The following EEFSEC variants were observed in gnomAD, a reference collection of about 807,000 sequenced individuals.
The protein encoded by EEFSEC is eukaryotic elongation factor, selenocysteine-tRNA specific.
A neutral mutation model predicts 42.1 loss-of-function variants in EEFSEC; 43 were observed. That is an observed-to-expected ratio of 1.02 (90% confidence interval 0.80 to 1.32). EEFSEC has a LOEUF of 1.32. Among genes scored for constraint, EEFSEC ranks in the 40% most tolerant of loss-of-function variants. The pLI is 0.00. For missense variants in EEFSEC, 745 were observed against 803.6 expected, an observed-to-expected ratio of 0.93 and a Z score of 0.88; for synonymous variants, 354 against 339.1, an observed-to-expected ratio of 1.04 and a Z score of -0.48.
At chr3:128,326,105 A>G (rs2067060881) in intron 4 of EEFSEC, among the ~76,000 whole-genome samples, 1 of 152,238 alleles carries the variant, frequency 6.6e-6, no homozygotes, top group African/African-American at 2.4e-5. Context: ...GAGGGATAGA[A>G]GCATGAGGGG....
At chr3:128,390,737 C>T (rs1425508823) in intron 6 of EEFSEC, among the ~76,000 whole-genome samples, 2 of 152,192 alleles carry the variant, frequency 1.3e-5, no homozygotes, top group African/African-American at 4.8e-5. Flanking sequence ...AGCCCCTCTG[C>T]AGATCTAGCA....
chr3:128,203,930 T>C (rs1448378960), intron 1 of EEFSEC, among the ~76,000 whole-genome samples: 1 of 152,220 alleles, frequency 6.6e-6, no homozygotes, highest in Non-Finnish European at 1.5e-5. Context: ...CAAATGTAAA[T>C]GAAACACTAG....
intron 1 of EEFSEC, among the ~76,000 whole-genome samples, chr3:128,195,611 G>A (rs528951324): frequency 2.6e-5 from 4 of 152,254 alleles, no homozygotes; most frequent in East Asian, 3.9e-4. Context: ...GCTGAGCCTC[G>A]TCTCCTCTCT....
chr3:128,305,953 G>T (rs1160532612), intron 4 of EEFSEC, among the ~76,000 whole-genome samples: 2 of 152,156 alleles, frequency 1.3e-5, no homozygotes, highest in Admixed American at 6.5e-5. Flanking sequence ...CGTTTTAGTT[G>T]CATTCCACTG....
At chr3:128,289,420 A>G (rs749320622) in intron 4 of EEFSEC, among the ~76,000 whole-genome samples, 1 of 152,196 alleles carries the variant, frequency 6.6e-6, no homozygotes, top group Non-Finnish European at 1.5e-5. Flanking sequence ...AGGGCCTGGC[A>G]GGAGGCAGAT....
intron 6 of EEFSEC, among the ~76,000 whole-genome samples, chr3:128,387,155 C>T (rs147652993): frequency 9.8e-4 from 150 of 152,330 alleles, no homozygotes; most frequent in African/African-American, 3.5e-3. Flanking sequence ...ACTGGTACTG[C>T]ACCTGGCCGC....
intron 4 of EEFSEC, among the ~76,000 whole-genome samples, chr3:128,276,648 G>C (rs1381065802): frequency 6.6e-6 from 1 of 152,192 alleles, no homozygotes; most frequent in African/African-American, 2.4e-5. Flanking sequence ...TGCTAGGCTA[G>C]GTCATAGGAG....
At chr3:128,335,538 G>T (rs1190285841) in intron 4 of EEFSEC, among the ~76,000 whole-genome samples, 4 of 152,206 alleles carry the variant, frequency 2.6e-5, no homozygotes, top group Admixed American at 6.5e-5. Flanking sequence ...AGTGGGTCGG[G>T]GTCACAGCAA....
intron 6 of EEFSEC, among the ~76,000 whole-genome samples, chr3:128,375,004 A>G (rs1006670386): frequency 3.9e-5 from 6 of 152,218 alleles, no homozygotes; most frequent in Admixed American, 2.0e-4. Flanking sequence ...AGGGCCCAAC[A>G]TGAATTCCAG....
chr3:128,417,316 A>C, the EEFSEC span, among the ~76,000 whole-genome samples: 1 of 147,574 alleles, frequency 6.8e-6, no homozygotes, highest in South Asian at 2.2e-4. This position sits in a 1 kb window ranked among gnomAD's most constrained non-coding sequence, Gnocchi z 4.3. Flanking sequence ...CCATCTCCCC[A>C]CTCCTCCTAG....
At chr3:128,261,551 CTTTTTTTT>C (rs386397883) in intron 2 of EEFSEC, among the ~76,000 whole-genome samples, 1 of 106,894 alleles carries the variant, frequency 9.4e-6, no homozygotes, top group African/African-American at 3.5e-5. Flanking sequence ...CTCTTTCCCT[CTTTTTTTT>C]TTTTTTTTTT....
At chr3:128,379,871 G>A (rs1346774538) in intron 6 of EEFSEC, among the ~76,000 whole-genome samples, 1 of 152,256 alleles carries the variant, frequency 6.6e-6, no homozygotes, top group Non-Finnish European at 1.5e-5. Flanking sequence ...TTCCATCACA[G>A]AGGTGGATGA....
intron 2 of EEFSEC, among the ~76,000 whole-genome samples, chr3:128,253,923 A>G (rs1185588654): frequency 6.6e-6 from 1 of 152,170 alleles, no homozygotes; most frequent in Non-Finnish European, 1.5e-5. Context: ...GTTGCTCTTT[A>G]GGGAACTTCA....
intron 1 of EEFSEC, among the ~76,000 whole-genome samples, chr3:128,165,796 G>C (rs1317201407): frequency 2.6e-5 from 4 of 152,190 alleles, no homozygotes; most frequent in Non-Finnish European, 5.9e-5. Context: ...AACTTGCCTT[G>C]CTTGGCCTGG....
At chr3:128,211,098 A>G (rs1484666941) in intron 1 of EEFSEC, among the ~76,000 whole-genome samples, 1 of 152,198 alleles carries the variant, frequency 6.6e-6, no homozygotes, top group East Asian at 1.9e-4. Flanking sequence ...AGGGTTAATA[A>G]TATCCATTTT....
chr3:128,238,026 C>A (rs2066030948), intron 1 of EEFSEC, among the ~76,000 whole-genome samples: 1 of 152,202 alleles, frequency 6.6e-6, no homozygotes. Flanking sequence ...AGTCAGACAG[C>A]CCTTGGTACT....
intron 4 of EEFSEC, among the ~76,000 whole-genome samples, chr3:128,295,406 C>G (rs1319508868): frequency 7.7e-6 from 1 of 130,076 alleles, no homozygotes; most frequent in Non-Finnish European, 1.6e-5. Context: ...CAGGAAACCC[C>G]TTTTGTGATC....
intron 1 of EEFSEC, among the ~76,000 whole-genome samples, chr3:128,208,253 C>CT (rs1170076012): frequency 6.6e-6 from 1 of 152,214 alleles, no homozygotes; most frequent in African/African-American, 2.4e-5. Flanking sequence ...TGTTAGCACA[C>CT]TAAGAGTTTT....
At chr3:128,365,074 G>T (rs1032742192) in intron 6 of EEFSEC, among the ~76,000 whole-genome samples, 3 of 152,228 alleles carry the variant, frequency 2.0e-5, no homozygotes, top group Non-Finnish European at 2.9e-5. Flanking sequence ...CTGGTAGCCC[G>T]TGGCCCCTGT....
Sources: gnomAD v4.1 joint callset for allele counts (sites outside exome capture counted in the v4.1 genomes callset) on GRCh38, gnomAD v4.1.1 for gene constraint, Gnocchi (gnomAD v3.1) non-coding constraint, MANE v1.5 for transcripts, NCBI Gene and HGNC (gene_info 2026-07-23, HGNC 2026-07-21) for gene names.